The following CAST variants were observed in gnomAD, a reference collection of about 807,000 sequenced individuals.
CAST encodes the protein calpastatin, also known as MIR583 host.
A neutral mutation model predicts 119.6 loss-of-function variants in CAST; 76 were observed. That is an observed-to-expected ratio of 0.64 (90% CI 0.53 to 0.77). The LOEUF is 0.77. Among genes scored for constraint, CAST ranks in the 30% least tolerant of loss-of-function variants. The pLI, the probability that CAST is intolerant of heterozygous loss-of-function variation, is 0.00. For missense variants in CAST, 953 were observed against 946.5 expected (o/e 1.01, Z -0.09); for synonymous variants, 319 against 331.6 (o/e 0.96, Z 0.41).
At chr5:96,695,684 GA>G (rs1753200431) in intron 2 of CAST, 151 bp from the exon 3 acceptor site, 1 of 476,044 alleles carries the variant, frequency 2.1e-6, no homozygotes, top group Non-Finnish European at 4.0e-6. Context: ...GCAAAGTAAC[GA>G]AAAATTCAAA....
At chr5:96,677,151 G>A (rs1750813770) in intron 2 of CAST, among the ~76,000 whole-genome samples, 1 of 152,046 alleles carries the variant, frequency 6.6e-6, no homozygotes, top group South Asian at 2.1e-4. Flanking sequence ...TTAATATTGA[G>A]CAAATATTGA....
chr5:96,508,528 A>T, the CAST span, among the ~76,000 whole-genome samples: 27 of 152,206 alleles, frequency 1.8e-4, no homozygotes, highest in Non-Finnish European at 3.4e-4. Context: ...TGGGGAGTCC[A>T]TAAAGTGAAT....
chr5:96,422,645 G>T, the CAST span, among the ~76,000 whole-genome samples: 1 of 152,042 alleles, frequency 6.6e-6, no homozygotes, highest in Admixed American at 6.6e-5. Flanking sequence ...TCTTTAGCTT[G>T]GTGTTATAGC....
the CAST span, among the ~76,000 whole-genome samples, chr5:96,123,777 G>C: frequency 2.6e-5 from 4 of 152,140 alleles, no homozygotes; most frequent in Non-Finnish European, 5.9e-5. Flanking sequence ...CCGAGTGGGA[G>C]AATTGAGAAC....
intron 27 of CAST, among the ~76,000 whole-genome samples, chr5:96,766,979 T>G (rs1485955659): frequency 6.6e-6 from 1 of 152,198 alleles, no homozygotes; most frequent in Non-Finnish European, 1.5e-5. Flanking sequence ...GCTAGAGCCC[T>G]TCCCACTTTG....
At chr5:96,675,895 A>G (rs1457174022) in intron 2 of CAST, 1 of 285,648 alleles carries the variant, frequency 3.5e-6, no homozygotes, top group African/African-American at 2.2e-5. Flanking sequence ...GTTGGCGAAT[A>G]TGTCAAGTGT....
At chr5:96,295,917 T>A in the CAST span, among the ~76,000 whole-genome samples, 14 of 152,280 alleles carry the variant, frequency 9.2e-5, no homozygotes, top group African/African-American at 3.1e-4. Context: ...ACAGACTAAA[T>A]TGAAAGACTC....
rs529650182 is a variant in CAST at position 96,562,045 on chromosome 5, G to T, written c.60+32165G>T. 3.3e-5 allele frequency among the ~76,000 whole-genome samples: 5 copies of T among 151,308 alleles called. No homozygotes were observed. The East Asian group carries it at 7.8e-4, about 24-fold the overall frequency. On this transcript the variant is annotated intron_variant, in intron 1 of 11. Transcript: ENST00000505143. Reference sequence around the variant, plus strand: ...CTGACCTCGTGATCCGCCCGCCTCGGCCTCCCAAAGTGCTGGGATTACAGG... The same window carrying T: ...CTGACCTCGTGATCCGCCCGCCTCGTCCTCCCAAAGTGCTGGGATTACAGG...
chr5:96,680,499 A>G (rs1751280084), intron 2 of CAST, among the ~76,000 whole-genome samples: 2 of 149,538 alleles, frequency 1.3e-5, no homozygotes, highest in South Asian at 4.3e-4. Flanking sequence ...TTGTTTGCTT[A>G]TTTTGTTTAC....
At chr5:96,323,143 G>A in the CAST span, among the ~76,000 whole-genome samples, 6 of 152,156 alleles carry the variant, frequency 3.9e-5, no homozygotes, top group South Asian at 8.3e-4. Context: ...AACTTCAGTC[G>A]ATGTTCAGGT....
At chr5:96,425,874 C>T in the CAST span, 1 of 1,612,772 alleles carries the variant, frequency 6.2e-7, no homozygotes, top group Non-Finnish European at 8.5e-7. Context: ...GTGCTGAGTC[C>T]CTTAGAGCTG....
At chr5:96,261,813 G>A in the CAST span, among the ~76,000 whole-genome samples, 1 of 152,186 alleles carries the variant, frequency 6.6e-6, no homozygotes, top group Non-Finnish European at 1.5e-5. Context: ...GTGGCTAGCG[G>A]CTGCCATATT....
At chr5:96,592,875 C>T (rs1407793998) in intron 1 of CAST, among the ~76,000 whole-genome samples, 1 of 152,106 alleles carries the variant, frequency 6.6e-6, no homozygotes, top group East Asian at 1.9e-4. Flanking sequence ...TGCCATTCTC[C>T]TGCCTCAGCC....
chr5:96,148,849 G>A, the CAST span, among the ~76,000 whole-genome samples: 1 of 152,244 alleles, frequency 6.6e-6, no homozygotes, highest in Non-Finnish European at 1.5e-5. Flanking sequence ...GGAAGAAGCA[G>A]ACTCCAGTGA....
chr5:96,309,846 C>T, the CAST span, among the ~76,000 whole-genome samples: 3 of 152,242 alleles, frequency 2.0e-5, no homozygotes, highest in Non-Finnish European at 4.4e-5. Context: ...AGAAATCACC[C>T]GCCTTCTGCG....
At chr5:96,420,884 G>A in the CAST span, among the ~76,000 whole-genome samples, 1 of 152,080 alleles carries the variant, frequency 6.6e-6, no homozygotes, top group Non-Finnish European at 1.5e-5. Flanking sequence ...ATAAAGAAGC[G>A]CTTCATGTGA....
the CAST span, among the ~76,000 whole-genome samples, chr5:96,187,877 G>A: frequency 6.6e-6 from 1 of 152,180 alleles, no homozygotes; most frequent in Admixed American, 6.5e-5. Flanking sequence ...CTACCTGTGA[G>A]CAGTCCCATC....
intron 1 of CAST, among the ~76,000 whole-genome samples, chr5:96,657,023 G>A (rs1748168712): frequency 3.0e-3 from 1 of 330 alleles, no homozygotes; most frequent in Non-Finnish European, 5.6e-3. Flanking sequence ...AATCTGAGCT[G>A]GAAACAAATG....
chr5:96,663,366 G>C (rs1187295701), intron 1 of CAST, among the ~76,000 whole-genome samples: 1 of 152,208 alleles, frequency 6.6e-6, no homozygotes, highest in Non-Finnish European at 1.5e-5. Context: ...CTTGTGGTAT[G>C]TATGAGCGCG....
Sources: allele counts gnomAD v4.1 joint callset (sites outside exome capture counted in the v4.1 genomes callset), GRCh38; gene constraint gnomAD v4.1.1; transcripts MANE v1.5; gene names NCBI Gene and HGNC (gene_info 2026-07-23, HGNC 2026-07-21).